TMPRSS7: variants seen among roughly 807,000 people sequenced by gnomAD.
TMPRSS7 encodes transmembrane serine protease 7.
Under a neutral mutation model 95.6 loss-of-function variants are expected in TMPRSS7, and 81 were observed. The ratio of observed to expected loss-of-function variants is 0.85; its 90% CI spans 0.71 to 1.02. The LOEUF (loss-of-function observed/expected upper bound fraction) is 1.02, where lower values mean the gene tolerates loss of function less well. TMPRSS7 is among the 50% of genes least tolerant of loss of function. TMPRSS7 has a pLI of 0.00. For synonymous variants in TMPRSS7, 364 were observed against 337.8 expected, an observed-to-expected ratio of 1.08 and a Z score of -0.85; for missense variants, 945 against 955.2, an observed-to-expected ratio of 0.99 and a Z score of 0.14.
intron 11 of TMPRSS7, among the ~76,000 whole-genome samples, chr3:112,062,716 T>A (rs1028734025): frequency 2.0e-5 from 3 of 152,228 alleles, no homozygotes; most frequent in South Asian, 2.1e-4. Context: ...TTATTTTTAA[T>A]TGTTTTTTTA....
At position 112,038,331 on chromosome 3, in the gene TMPRSS7, A is replaced by G. The variant is rs2073170760; in HGVS notation, c.298+10A>G. 2 of 699,770 alleles carry G rather than the reference A, an allele frequency of 2.9e-6. No homozygotes were observed. Among genetic ancestry groups the G allele is most frequent in the Non-Finnish European group, 5.2e-6 (2 of 382,970 alleles). 43.3% of individuals were successfully genotyped at this position (699,770 alleles called of 1,614,324 possible). On this transcript the variant is annotated intron_variant, in intron 2 of 17. Coordinates refer to ENST00000452346, the Ensembl canonical transcript of TMPRSS7. Reference sequence around the variant, plus strand: ...CTGTGGCTGTATATCAGTAAGTTAAAAATCTGTGTTTCTTTGGGGTTAGGG... The same window carrying G: ...CTGTGGCTGTATATCAGTAAGTTAAGAATCTGTGTTTCTTTGGGGTTAGGG...
chr3:112,054,729 C>CTTTTTTTTTTTTTTTTTTTTTTTTTTTT lies in TMPRSS7; in HGVS notation c.1204-2294_1204-2267dup, dbSNP rs1161735611. Among the ~76,000 whole-genome samples the CTTTTTTTTTTTTTTTTTTTTTTTTTTTT allele has an allele frequency of 4.5e-4, 22 of 49,026 alleles. 10 individuals carry two copies. The highest frequency in any genetic ancestry group is 6.3e-4 in the Non-Finnish European group (18 of 28,530). 32.2% of individuals were successfully genotyped at this position (49,026 alleles called of 152,430 possible). On this transcript the variant is annotated intron_variant, in intron 9 of 17. Coordinates refer to ENST00000452346, the Ensembl canonical transcript of TMPRSS7. The stretch of plus-strand genomic sequence containing the variant: ...AACATATTTACTATCTCTCAGTTTG[C>CTTTTTTTTTTTTTTTTTTTTTTTTTTTT]TTTTTTTTTTTTTTTTTTTTTTTTT...
intron 12 of TMPRSS7, 65 bp from the exon 13 acceptor site, chr3:112,066,327 G>C (rs2073573941): frequency 1.4e-6 from 2 of 1,406,128 alleles, no homozygotes; most frequent in Non-Finnish European, 2.0e-6. Context: ...TGGCACTGCT[G>C]ATCATCAGAG....
At position 112,074,417 on chromosome 3, in the gene TMPRSS7, G is replaced by T; in HGVS notation, c.1783+5G>T. The T allele has an allele frequency of 6.3e-7, 1 of 1,599,602 alleles. No individual in the cohort carries two copies. Among genetic ancestry groups the T allele is most frequent in the South Asian group, 1.1e-5 (1 of 90,040 alleles). ...GAAGTGATGAAGAAGGCTGCAGTAA[G>T]TAGAAATTCATTCCTTTGGGTTCCT... On this transcript the variant is annotated splice_donor_5th_base_variant and intron_variant, in intron 14 of 17. Coordinates refer to ENST00000452346, the Ensembl canonical transcript of TMPRSS7.
chr3:112,077,692 C>G (rs2073729268), intron 16 of TMPRSS7, among the ~76,000 whole-genome samples: 1 of 151,978 alleles, frequency 6.6e-6, no homozygotes, highest in Non-Finnish European at 1.5e-5. Context: ...TTTGGTCCAC[C>G]CAGAGGAGAT....
intron 1 of TMPRSS7, 118 bp downstream of exon 1, chr3:112,035,011 C>T: frequency 1.6e-6 from 1 of 640,100 alleles, no homozygotes; most frequent in East Asian, 2.8e-5. Flanking sequence ...AATATTTTAT[C>T]TTCTTATGGT....
intron 2 of TMPRSS7, among the ~76,000 whole-genome samples, chr3:112,039,300 C>T (rs781761474): frequency 3.3e-5 from 5 of 152,236 alleles, no homozygotes; most frequent in Admixed American, 1.3e-4. Context: ...AGATTTCTGG[C>T]TCAGAGCTTC....
At chr3:112,061,224 G>T (rs1273663919) in intron 10 of TMPRSS7, among the ~76,000 whole-genome samples, 1 of 152,148 alleles carries the variant, frequency 6.6e-6, no homozygotes, top group African/African-American at 2.4e-5. Context: ...ATACTGGGGG[G>T]CATTAGGTGA....
intron 4 of TMPRSS7, 41 bp downstream of exon 4, chr3:112,044,363 T>C (rs1160399981): frequency 2.0e-6 from 3 of 1,489,646 alleles, no homozygotes; most frequent in Non-Finnish European, 2.7e-6. Context: ...GTGTTCATTG[T>C]TCTAAAGTCC....
chr3:112,077,789 A>G (rs973368339), intron 16 of TMPRSS7, among the ~76,000 whole-genome samples: 2 of 152,118 alleles, frequency 1.3e-5, no homozygotes, highest in African/African-American at 4.8e-5. Flanking sequence ...CCCTACATCT[A>G]CCCTGCCAAG....
intron 17 of TMPRSS7, among the ~76,000 whole-genome samples, chr3:112,079,719 C>T (rs963730955): frequency 6.6e-6 from 1 of 152,144 alleles, no homozygotes; most frequent in African/African-American, 2.4e-5. Context: ...GCCACAAAAA[C>T]TCATCCTATA....
chr3:112,042,064 G>A lies in TMPRSS7; in HGVS notation c.429+14G>A, dbSNP rs2073216234. 1 of 1,550,228 alleles carries A rather than the reference G, an allele frequency of 6.5e-7. No individual in the cohort carries two copies. The highest frequency in any genetic ancestry group is 1.4e-5 in the African/African-American group (1 of 73,012). On this transcript the variant is annotated intron_variant, in intron 3 of 17. Coordinates refer to ENST00000452346, the Ensembl canonical transcript of TMPRSS7. ...GTGCAGCAAGTGGTGAGGCGATGGA[G>A]GTAGAGGGTATTAGGGTAGAGTGGG...
At chr3:112,045,413 G>T (rs1475741510) in intron 4 of TMPRSS7, among the ~76,000 whole-genome samples, 1 of 152,202 alleles carries the variant, frequency 6.6e-6, no homozygotes, top group Non-Finnish European at 1.5e-5. Flanking sequence ...CTCCCAAAGT[G>T]CTGGGATTAC....
intron 15 of TMPRSS7, among the ~76,000 whole-genome samples, chr3:112,076,176 C>A (rs983324648): frequency 5.3e-5 from 8 of 152,056 alleles, no homozygotes; most frequent in African/African-American, 1.9e-4. Flanking sequence ...AATTAGTGAC[C>A]AAAATTTTGG....
intron 2 of TMPRSS7, among the ~76,000 whole-genome samples, chr3:112,041,083 A>C (rs2073201773): frequency 6.6e-6 from 1 of 151,968 alleles, no homozygotes; most frequent in Non-Finnish European, 1.5e-5. Context: ...CAACCAAAAA[A>C]AAAAAAAAAA....
At chr3:112,044,418 C>G in intron 4 of TMPRSS7, 96 bp downstream of exon 4, 3 of 1,072,942 alleles carry the variant, frequency 2.8e-6, no homozygotes, top group Non-Finnish European at 4.2e-6. Context: ...TCCCAAGTAA[C>G]TTCTTGGAAG....
intron 7 of TMPRSS7, among the ~76,000 whole-genome samples, chr3:112,049,636 G>T (rs776470209): frequency 6.6e-6 from 1 of 152,120 alleles, no homozygotes; most frequent in Non-Finnish European, 1.5e-5. Flanking sequence ...TCTGGTAGAG[G>T]TTCCTACACA....
At chr3:112,067,238 G>T (rs1486826305) in intron 13 of TMPRSS7, among the ~76,000 whole-genome samples, 1 of 152,140 alleles carries the variant, frequency 6.6e-6, no homozygotes, top group African/African-American at 2.4e-5. Flanking sequence ...ATTGATGGAC[G>T]TTTGGGTTGG....
At chr3:112,074,695 C>T (rs1050924412) in intron 14 of TMPRSS7, among the ~76,000 whole-genome samples, 7 of 152,084 alleles carry the variant, frequency 4.6e-5, no homozygotes, top group Non-Finnish European at 5.9e-5. Flanking sequence ...AAATAAAAAC[C>T]TTGTGAGAAA....
Sources: allele counts gnomAD v4.1 joint callset (sites outside exome capture counted in the v4.1 genomes callset), GRCh38; gene constraint gnomAD v4.1.1; transcripts MANE v1.5; gene names NCBI Gene and HGNC (gene_info 2026-07-23, HGNC 2026-07-21).